The following CLVS1 variants were observed in gnomAD, a reference collection of about 807,000 sequenced individuals.
The protein encoded by CLVS1 is clavesin 1, also known as clavesin-1.
CLVS1 carries 10 observed loss-of-function variants against 33.1 expected under a neutral mutation model. The ratio of observed to expected loss-of-function variants is 0.30; its 90% CI spans 0.19 to 0.51. The LOEUF is 0.51. Among genes scored for constraint, CLVS1 ranks in the 20% least tolerant of loss-of-function variants. The pLI, the probability that CLVS1 is intolerant of heterozygous loss-of-function variation, is 0.97. For missense variants in CLVS1, 343 were observed against 433.4 expected (o/e 0.79, Z 1.85); for synonymous variants, 163 against 166.1 (o/e 0.98, Z 0.14).
At chr8:61,008,660 A>T in the CLVS1 span, among the ~76,000 whole-genome samples, 1 of 152,084 alleles carries the variant, frequency 6.6e-6, no homozygotes, top group Non-Finnish European at 1.5e-5. Context: ...GGAGGAGAGT[A>T]AACAATAGTT....
intron 1 of CLVS1, among the ~76,000 whole-genome samples, chr8:61,068,218 T>C (rs1804718953): frequency 1.1e-5 from 1 of 89,366 alleles, no homozygotes; most frequent in Non-Finnish European, 2.0e-5. Flanking sequence ...TATATATATA[T>C]GTATGTATGT....
intron 5 of CLVS1, among the ~76,000 whole-genome samples, chr8:61,467,778 G>C (rs1308343741): frequency 3.3e-5 from 5 of 152,054 alleles, no homozygotes; most frequent in Non-Finnish European, 4.4e-5. Context: ...CTGTTTGCAG[G>C]GTAAACATTC....
At chr8:61,079,807 A>G (rs1804989600) in intron 1 of CLVS1, among the ~76,000 whole-genome samples, 1 of 152,236 alleles carries the variant, frequency 6.6e-6, no homozygotes, top group African/African-American at 2.4e-5. Context: ...AAACACGTCA[A>G]TAGATCTGGA....
intron 2 of CLVS1, among the ~76,000 whole-genome samples, chr8:61,159,123 T>G (rs1410288841): frequency 6.6e-6 from 1 of 152,240 alleles, no homozygotes; most frequent in Non-Finnish European, 1.5e-5. Flanking sequence ...TTCTCCTGCC[T>G]CAGCCTCCCA....
intron 2 of CLVS1, among the ~76,000 whole-genome samples, chr8:61,216,339 A>G (rs76449141): frequency 0.14 from 21,951 of 152,202 alleles, 1,774 homozygotes; most frequent in African/African-American, 0.15. Context: ...CTAGCCAAAA[A>G]CATGCTCTGG....
intron 2 of CLVS1, among the ~76,000 whole-genome samples, chr8:61,373,153 C>T (rs368491476): frequency 1.2e-4 from 19 of 152,042 alleles, no homozygotes; most frequent in Admixed American, 7.9e-4. Flanking sequence ...TTATAAAAAG[C>T]GAAGAGGAAA....
intron 2 of CLVS1, among the ~76,000 whole-genome samples, chr8:61,312,621 G>A (rs767230238): frequency 1.3e-5 from 2 of 152,122 alleles, no homozygotes; most frequent in African/African-American, 4.8e-5. Flanking sequence ...TAACAGCAGT[G>A]CCTTTCTGGA....
intron 2 of CLVS1, among the ~76,000 whole-genome samples, chr8:61,329,140 T>C (rs985919122): frequency 6.6e-6 from 1 of 152,078 alleles, no homozygotes; most frequent in Non-Finnish European, 1.5e-5. Flanking sequence ...ATAATGTAAG[T>C]CATTTTGAAA....
At chr8:61,183,620 A>C (rs2978507) in intron 2 of CLVS1, among the ~76,000 whole-genome samples, 70,491 of 152,018 alleles carry the variant, frequency 0.46, 18,089 homozygotes, top group Middle Eastern at 0.66. Context: ...GGCAGATCCC[A>C]CAGAGAAGCC....
chr8:61,414,058 G>A (rs1022469095), intron 3 of CLVS1, among the ~76,000 whole-genome samples: 1 of 152,202 alleles, frequency 6.6e-6, no homozygotes, highest in Non-Finnish European at 1.5e-5. Context: ...TGTGAGTATG[G>A]TGTGTGCCCA....
intron 3 of CLVS1, among the ~76,000 whole-genome samples, chr8:61,422,626 A>G (rs1815723350): frequency 6.6e-6 from 1 of 152,230 alleles, no homozygotes; most frequent in Non-Finnish European, 1.5e-5. Context: ...CAAACCGTAG[A>G]AGTTCCAGTG....
At chr8:61,247,472 A>C (rs1808839798) in intron 2 of CLVS1, among the ~76,000 whole-genome samples, 2 of 152,094 alleles carry the variant, frequency 1.3e-5, no homozygotes, top group Admixed American at 6.5e-5. Flanking sequence ...CTATTTTTTG[A>C]CTTTTTAATA....
At chr8:61,215,088 T>C (rs971306451) in intron 2 of CLVS1, among the ~76,000 whole-genome samples, 2 of 152,188 alleles carry the variant, frequency 1.3e-5, no homozygotes, top group African/African-American at 4.8e-5. Flanking sequence ...GTACAGCAGA[T>C]AGCCCCATTC....
the CLVS1 span, among the ~76,000 whole-genome samples, chr8:61,044,871 T>G: frequency 6.6e-6 from 1 of 152,124 alleles, no homozygotes; most frequent in African/African-American, 2.4e-5. Flanking sequence ...AACAAAAAAT[T>G]TTGGAGAAGA....
chr8:61,269,158 G>A (rs892630830), intron 2 of CLVS1, among the ~76,000 whole-genome samples: 2 of 148,950 alleles, frequency 1.3e-5, no homozygotes, highest in African/African-American at 2.5e-5. Context: ...TAGGTCTAAC[G>A]TTTAAGTCTT....
At chr8:61,382,283 G>T (rs1052102374) in intron 3 of CLVS1, among the ~76,000 whole-genome samples, 1 of 152,152 alleles carries the variant, frequency 6.6e-6, no homozygotes, top group African/African-American at 2.4e-5. Context: ...CACCAATTCT[G>T]CAGTCCATAC....
chr8:61,108,439 C>T (rs1021290203), intron 1 of CLVS1, among the ~76,000 whole-genome samples: 9 of 152,126 alleles, frequency 5.9e-5, no homozygotes, highest in African/African-American at 1.7e-4. Context: ...CTAAATGGCT[C>T]CATAGATCTC....
intron 2 of CLVS1, among the ~76,000 whole-genome samples, chr8:61,210,532 C>A (rs773007134): frequency 2.6e-5 from 4 of 152,200 alleles, no homozygotes; most frequent in Non-Finnish European, 5.9e-5. Context: ...TGGCAGGGAA[C>A]TGTGGAGCTT....
intron 2 of CLVS1, among the ~76,000 whole-genome samples, chr8:61,312,989 T>TGGC (rs1285256346): frequency 1.3e-5 from 2 of 152,208 alleles, no homozygotes; most frequent in Non-Finnish European, 2.9e-5. Flanking sequence ...AGCATTACTT[T>TGGC]CCTTATCCAA....
Sources: allele counts gnomAD v4.1 joint callset (sites outside exome capture counted in the v4.1 genomes callset), GRCh38; gene constraint gnomAD v4.1.1; transcripts MANE v1.5; gene names NCBI Gene and HGNC (gene_info 2026-07-23, HGNC 2026-07-21).